The following SYCP2 variants were observed in gnomAD, a reference collection of about 807,000 sequenced individuals.
SYCP2 encodes the protein synaptonemal complex protein 2, also known as synaptonemal complex lateral element protein.
Under a neutral mutation model 211.3 loss-of-function variants are expected in SYCP2, and 55 were observed. That is an observed-to-expected ratio of 0.26 (90% CI 0.21 to 0.33). The LOEUF (loss-of-function observed/expected upper bound fraction) is 0.33. Ranked by LOEUF, SYCP2 falls within the 10% of genes least tolerant of loss-of-function variation. The probability of loss-of-function intolerance (pLI) is 1.00; values close to 1 mark genes in which losing one functional copy is unlikely to be tolerated. For synonymous variants in SYCP2, 570 were observed against 555.2 expected (o/e 1.03, Z -0.37); for missense variants, 1,731 against 1,752.0 (o/e 0.99, Z 0.21).
Position 59,900,017 on chromosome 20 carries a change from T to A in SYCP2, c.1404+121A>T, listed in dbSNP as rs745610515. The A allele has an allele frequency of 4.4e-4, 479 of 1,092,106 alleles. 1 individual carries two copies. The highest frequency in any genetic ancestry group is 4.3e-4 in the Non-Finnish European group (316 of 740,188). 67.7% of individuals were successfully genotyped at this position (1,092,106 alleles called of 1,614,324 possible). Reference sequence around the variant, plus strand: ...TTTGTCAAAGGTAGGAGAAACACTCTGAAATGTGATTGATCAAGGCCAATA... The same window carrying A: ...TTTGTCAAAGGTAGGAGAAACACTCAGAAATGTGATTGATCAAGGCCAATA... On this transcript the variant is annotated intron_variant, in intron 18 of 44. Transcript: ENST00000357552.
In SYCP2 at chr20:59,895,458, A is replaced by C; in HGVS notation, c.1644T>G (p.His548Gln). The C allele has an allele frequency of 6.2e-7, 1 of 1,610,242 alleles. No individual in the cohort carries two copies. Among genetic ancestry groups the C allele is most frequent in the Non-Finnish European group, 8.5e-7 (1 of 1,178,338 alleles). ...TTACTTTGTCTATATTATCTCTTCT[A>C]TGTCTTCCTTCTGATGATCTAGATT... is the stretch of plus-strand genomic sequence containing the variant. ...SLKSRSSEGR[H>Q]RRDNIDKHIK... Residue 548 changes from histidine (H) to glutamine (Q), a missense_variant, in exon 20 of 45, where the codon CAT (histidine) becomes CAG (glutamine). By Grantham distance (24) the His-to-Gln change is conservative. Coordinates refer to ENST00000357552, the MANE Select transcript of SYCP2 (RefSeq NM_014258.4).
rs755294469 is a variant in SYCP2 at position 59,867,836 on chromosome 20, C to T, written c.4000G>A (p.Val1334Ile). The T allele has an allele frequency of 6.3e-6, 10 of 1,599,292 alleles. No individual in the cohort carries two copies. Among genetic ancestry groups the T allele is most frequent in the African/African-American group, 4.1e-5 (3 of 74,058 alleles). The change falls in exon 39 of 45, where the codon GTA becomes ATA. Residue 1334 changes from valine (V) to isoleucine (I), a missense_variant. This residue lies in a region of SYCP2 where 1,387 missense variants were observed against 1,351.3 expected (regional missense o/e 1.03). Coordinates refer to ENST00000357552, the MANE Select transcript of SYCP2 (RefSeq NM_014258.4). ...AAGTCATTTGTTGATAATGAAGATACACTTTCAGACACTAAAAAATGAAAA... is the reference window on the plus strand; with the variant it reads ...AAGTCATTTGTTGATAATGAAGATATACTTTCAGACACTAAAAAATGAAAA... The part of the protein sequence containing the change: ...DHHIHKMSES[V>I]SSLSTNDFSI...
chr20:59,888,897 G>A (rs998478619), intron 24 of SYCP2, among the ~76,000 whole-genome samples: 3 of 151,866 alleles, frequency 2.0e-5, no homozygotes, highest in East Asian at 1.9e-4. Context: ...TAGCACTGCC[G>A]AAAGAAATAC....
chr20:59,897,752 A>AAAACT (rs1228579167), intron 18 of SYCP2, among the ~76,000 whole-genome samples: 1 of 152,210 alleles, frequency 6.6e-6, no homozygotes, highest in African/African-American at 2.4e-5. Flanking sequence ...GTGAGAGATT[A>AAAACT]GTAAAAACTG....
chr20:59,926,111 TCTC>T (rs922611784), intron 2 of SYCP2, among the ~76,000 whole-genome samples: 2 of 152,012 alleles, frequency 1.3e-5, no homozygotes, highest in Non-Finnish European at 2.9e-5. Flanking sequence ...GGAGGAACCT[TCTC>T]CTGTAAGACA....
At chr20:59,910,809 CG>C (rs1456067041) in intron 14 of SYCP2, among the ~76,000 whole-genome samples, 3 of 151,130 alleles carry the variant, frequency 2.0e-5, no homozygotes, top group African/African-American at 7.3e-5. Context: ...AGTAGCTCCT[CG>C]AAAAAAAATC....
rs1265404828 is a variant in SYCP2 at position 59,881,956 on chromosome 20, T to C, written c.2647A>G (p.Ile883Val). The C allele has an allele frequency of 2.5e-6, 4 of 1,612,432 alleles. No individual in the cohort carries two copies. Among genetic ancestry groups the C allele is most frequent in the East Asian group, 2.2e-5 (1 of 44,742 alleles). Residue 883 changes from isoleucine (I) to valine (V), a missense_variant, in exon 28 of 45, where the codon ATA (isoleucine) becomes GTA (valine). Around this residue, in one of 3 missense-constraint regions of SYCP2, gnomAD observed 1,387 missense variants for 1,351.3 expected, o/e 1.03. Transcript: ENST00000357552. The stretch of plus-strand genomic sequence containing the variant: ...GTATTTTAGCTTACTCCAAGTTTTA[T>C]GATAGGGTCATCAGCTCCATTCAAA... ...FNLNGADDPI[I>V]KLGIQEFQAT...
intron 7 of SYCP2, among the ~76,000 whole-genome samples, chr20:59,918,688 G>A (rs1461720089): frequency 6.6e-6 from 1 of 152,136 alleles, no homozygotes; most frequent in Non-Finnish European, 1.5e-5. Flanking sequence ...ATTTGGCATT[G>A]TCTGCATGAA....
intron 15 of SYCP2, among the ~76,000 whole-genome samples, chr20:59,903,753 T>C (rs1266004064): frequency 1.3e-5 from 2 of 152,074 alleles, no homozygotes; most frequent in Non-Finnish European, 2.9e-5. Context: ...AGGTTAAGGA[T>C]AACTTAAAAA....
chr20:59,914,099 T>C lies in SYCP2; in HGVS notation c.777+10A>G. Reference sequence around the variant, plus strand: ...AATTCACGAATTTCTGTTATTGTTATACAACTTACTGTTTCAAATTCAGAG... The same window carrying C: ...AATTCACGAATTTCTGTTATTGTTACACAACTTACTGTTTCAAATTCAGAG... On this transcript the variant is annotated intron_variant, in intron 11 of 44. Transcript: ENST00000357552. The C allele has an allele frequency of 1.9e-6, 3 of 1,590,084 alleles. No individual in the cohort carries two copies. The highest frequency in any genetic ancestry group is 2.6e-6 in the Non-Finnish European group (3 of 1,168,186).
Position 59,882,181 on chromosome 20 carries a change from T to TA in SYCP2, c.2530-17dup, listed in dbSNP as rs747976235. ...GAACTTTTTCCTGAAAAGAGGGTTA[T>TA]AAAAAAATCATTAAATGGCTAACAG... On this transcript the variant is annotated splice_polypyrimidine_tract_variant and intron_variant, in intron 26 of 44. Coordinates refer to ENST00000357552, the MANE Select transcript of SYCP2 (RefSeq NM_014258.4). 3.5e-5 allele frequency: 55 copies of TA among 1,585,950 alleles called. 1 individual carries two copies. Among genetic ancestry groups the TA allele is most frequent in the Admixed American group, 3.2e-4 (19 of 59,178 alleles).
intron 24 of SYCP2, among the ~76,000 whole-genome samples, chr20:59,891,677 A>G (rs2059908845): frequency 6.6e-6 from 1 of 152,046 alleles, no homozygotes; most frequent in South Asian, 2.1e-4. Flanking sequence ...AAAGGTAGGA[A>G]TTATAAGAAA....
intron 31 of SYCP2, among the ~76,000 whole-genome samples, chr20:59,879,830 T>TATATATAA: frequency 5.2e-5 from 1 of 19,128 alleles, no homozygotes; most frequent in Non-Finnish European, 8.5e-5. Flanking sequence ...TAAATATATA[T>TATATATAA]ATATATATAT....
chr20:59,895,343 G>A lies in SYCP2; in HGVS notation c.1665+94C>T, dbSNP rs2059987300. On this transcript the variant is annotated intron_variant, in intron 20 of 44. Coordinates refer to ENST00000357552, the MANE Select transcript of SYCP2 (RefSeq NM_014258.4). ...AAAAAGGTAATGCTTTAAACAAAATGAGACACTTGCAGCTTGCAAAAGGAG... is the reference window on the plus strand; with the variant it reads ...AAAAAGGTAATGCTTTAAACAAAATAAGACACTTGCAGCTTGCAAAAGGAG... 4 of 1,036,070 alleles carry A rather than the reference G, an allele frequency of 3.9e-6. No individual in the cohort carries two copies. The African/African-American group carries it at 5.0e-5, about 13-fold the overall frequency. 64.2% of individuals were successfully genotyped at this position (1,036,070 alleles called of 1,614,324 possible).
At chr20:59,872,837 A>G (rs1316245088) in intron 35 of SYCP2, among the ~76,000 whole-genome samples, 1 of 152,088 alleles carries the variant, frequency 6.6e-6, no homozygotes, top group Non-Finnish European at 1.5e-5. Flanking sequence ...TTTAAAGTCT[A>G]TGGCCTTTAA....
chr20:59,911,541 A>G (rs769680004), intron 14 of SYCP2, among the ~76,000 whole-genome samples: 1 of 152,156 alleles, frequency 6.6e-6, no homozygotes, highest in Non-Finnish European at 1.5e-5. Flanking sequence ...AAAACTCAGC[A>G]TTATTTTTTC....
intron 31 of SYCP2, among the ~76,000 whole-genome samples, chr20:59,878,725 C>T (rs2059608014): frequency 6.6e-6 from 1 of 152,026 alleles, no homozygotes; most frequent in Admixed American, 6.6e-5. Flanking sequence ...ATATCATGTC[C>T]TGTATAATAT....
chr20:59,910,078 A>G (rs1018489318), intron 14 of SYCP2, among the ~76,000 whole-genome samples: 8 of 152,182 alleles, frequency 5.3e-5, no homozygotes, highest in South Asian at 2.1e-4. Flanking sequence ...AATATATGAA[A>G]TATCAGAGAA....
At chr20:59,905,838 C>T (rs75636765) in intron 15 of SYCP2, among the ~76,000 whole-genome samples, 1,648 of 152,186 alleles carry the variant, frequency 0.011, 16 homozygotes, top group East Asian at 0.024. Flanking sequence ...CCACTTTTAT[C>T]GCTTCTATTC....
Sources: allele counts gnomAD v4.1 joint callset (sites outside exome capture counted in the v4.1 genomes callset), GRCh38; gene constraint gnomAD v4.1.1; regional missense constraint gnomAD v4.1.1; transcripts MANE v1.5; gene names NCBI Gene and HGNC (gene_info 2026-07-23, HGNC 2026-07-21).